Variants in KANK1 observed in about 807,000 individuals in gnomAD.
KANK1 encodes KN motif and ankyrin repeat domains 1, also known as KN motif and ankyrin repeat domain-containing protein 1.
In KANK1, 109 loss-of-function variants were observed where a neutral mutation model predicts 106.2. The ratio of observed to expected loss-of-function variants is 1.03; its 90% CI spans 0.88 to 1.20. The LOEUF is 1.20. KANK1 is among the 50% of genes most tolerant of loss of function. KANK1 has a pLI of 0.00. For missense variants in KANK1, 2,399 were observed against 1,710.7 expected, an observed-to-expected ratio of 1.40 and a Z score of -7.10; for synonymous variants, 873 against 652.2, an observed-to-expected ratio of 1.34 and a Z score of -5.16.
intron 1 of KANK1, among the ~76,000 whole-genome samples, chr9:508,121 C>CTTTTTTTTTT (rs71314711): frequency 5.1e-5 from 2 of 39,156 alleles, no homozygotes; most frequent in East Asian, 8.7e-4. Context: ...CCTGCTCAGC[C>CTTTTTTTTTT]TTTTTTTTTT....
At position 745,246 on chromosome 9, in the gene KANK1, A is replaced by C; in HGVS notation, c.*11A>C. 6.2e-7 allele frequency: 1 copy of C among 1,614,000 alleles called. No homozygotes were observed. Among genetic ancestry groups the C allele is most frequent in the Non-Finnish European group, 8.5e-7 (1 of 1,179,930 alleles). On this transcript the variant is annotated 3_prime_UTR_variant, in exon 12 of 12. Transcript: ENST00000382297. ...GGTTCATTTGATTGATTGTATGCAA[A>C]TAGCCCTTTATTTACATGCCACTAT...
rs548823267 is a variant in KANK1, at chr9:658,652, T to A, written c.-83-18238T>A. Among the ~76,000 whole-genome samples, 9 of 152,336 alleles carry A rather than the reference T, an allele frequency of 5.9e-5. No homozygotes were observed. In the Middle Eastern group the frequency reaches 0.017, roughly 288 times the overall value. ...TTAAGATTCATTTGGAATTAACTTT[T>A]GTATAAGACAGACGGTTAAGAAGAT... On this transcript the variant is annotated intron_variant, in intron 1 of 11. Coordinates refer to ENST00000382297, the MANE Select transcript of KANK1 (RefSeq NM_015158.5).
At chr9:561,959 A>G (rs1450211411) in intron 1 of KANK1, among the ~76,000 whole-genome samples, 1 of 152,232 alleles carries the variant, frequency 6.6e-6, no homozygotes, top group African/African-American at 2.4e-5. Flanking sequence ...TGTATGATAG[A>G]AATAGTAAAG....
chr9:722,796 C>T (rs1383222320), intron 3 of KANK1, among the ~76,000 whole-genome samples: 1 of 152,198 alleles, frequency 6.6e-6, no homozygotes, highest in Admixed American at 6.5e-5. Context: ...ATTACATGGA[C>T]ACTTATTAAA....
intron 1 of KANK1, among the ~76,000 whole-genome samples, chr9:650,616 T>C (rs1267173929): frequency 1.3e-5 from 2 of 152,052 alleles, no homozygotes; most frequent in Admixed American, 6.5e-5. Flanking sequence ...TGTTGTGAAA[T>C]ATGCAGATGA....
At chr9:703,293 G>A (rs1391575871) in intron 2 of KANK1, among the ~76,000 whole-genome samples, 2 of 150,716 alleles carry the variant, frequency 1.3e-5, no homozygotes, top group African/African-American at 2.4e-5. Context: ...CTCATGGCCT[G>A]CATTGTTGAT....
intron 1 of KANK1, among the ~76,000 whole-genome samples, chr9:623,932 A>T (rs963044349): frequency 7.2e-5 from 11 of 152,126 alleles, no homozygotes; most frequent in African/African-American, 2.4e-4. Context: ...TCACTTCCAT[A>T]TTTATTTCAG....
upstream of KANK1, among the ~76,000 whole-genome samples, chr9:500,030 A>G (rs1027401865): frequency 6.6e-6 from 1 of 152,228 alleles, no homozygotes; most frequent in African/African-American, 2.4e-5. Flanking sequence ...TCCTTCTGGT[A>G]GAGAGAGAAC....
At chr9:682,791 C>T (rs1817829012) in intron 2 of KANK1, among the ~76,000 whole-genome samples, 2 of 152,244 alleles carry the variant, frequency 1.3e-5, no homozygotes, top group South Asian at 4.1e-4. Flanking sequence ...TATTTGGCTC[C>T]AGCTTTTGTC....
intron 1 of KANK1, among the ~76,000 whole-genome samples, chr9:510,039 T>C (rs1397093456): frequency 6.6e-6 from 1 of 151,930 alleles, no homozygotes; most frequent in African/African-American, 2.4e-5. Flanking sequence ...CTCAAACTCC[T>C]GGCCTCAAAC....
intron 3 of KANK1, among the ~76,000 whole-genome samples, chr9:492,512 A>G (rs1157598189): frequency 6.6e-6 from 1 of 152,208 alleles, no homozygotes; most frequent in Non-Finnish European, 1.5e-5. Context: ...TAGAGCTGTT[A>G]AGGGTTGCCT....
chr9:530,068 A>G (rs144181351), intron 1 of KANK1, among the ~76,000 whole-genome samples: 11 of 152,218 alleles, frequency 7.2e-5, no homozygotes, highest in Non-Finnish European at 1.0e-4. Context: ...AGCTGTTTGT[A>G]TTTGTGTTTC....
chr9:742,435 A>AGGGGTCT (rs1210741367), intron 10 of KANK1, 30 bp downstream of exon 10: 1 of 1,580,480 alleles, frequency 6.3e-7, no homozygotes, highest in Non-Finnish European at 8.6e-7. Flanking sequence ...CCTCCTGGCC[A>AGGGGTCT]GGGGTCTGGG....
At chr9:519,081 G>A (rs918422516) in intron 1 of KANK1, among the ~76,000 whole-genome samples, 1 of 151,508 alleles carries the variant, frequency 6.6e-6, no homozygotes, top group African/African-American at 2.4e-5. Context: ...ATAGAAACGG[G>A]GTTTCTCCAT....
chr9:682,904 A>C (rs115007849), intron 2 of KANK1, among the ~76,000 whole-genome samples: 1,952 of 152,190 alleles, frequency 0.013, 45 homozygotes, highest in African/African-American at 0.045. Context: ...AGTGCGGTGC[A>C]CCCCACTCTC....
intron 1 of KANK1, among the ~76,000 whole-genome samples, chr9:656,303 GAGTTTA>G (rs1185292650): frequency 2.0e-5 from 3 of 152,216 alleles, no homozygotes; most frequent in African/African-American, 7.2e-5. Flanking sequence ...GAGGAGGAAA[GAGTTTA>G]AGTCCCGTCT....
At chr9:732,335 G>T (rs370885938) in intron 5 of KANK1, 43 bp from the exon 6 acceptor site, 7 of 1,579,692 alleles carry the variant, frequency 4.4e-6, no homozygotes, top group African/African-American at 1.3e-5. Flanking sequence ...CTGGGTCTTC[G>T]TGAGCACACC....
At chr9:630,376 C>T (rs10975486) in intron 1 of KANK1, among the ~76,000 whole-genome samples, 27,473 of 151,494 alleles carry the variant, frequency 0.18, 2,731 homozygotes, top group African/African-American at 0.24. Flanking sequence ...TGGTGAAACC[C>T]CATCTCTACT....
chr9:562,097 C>T (rs1204106068), intron 1 of KANK1, among the ~76,000 whole-genome samples: 1 of 128,268 alleles, frequency 7.8e-6, no homozygotes, highest in African/African-American at 2.8e-5. Context: ...CCAGGCCGGA[C>T]TGCGGACTGC....
Sources: allele counts gnomAD v4.1 joint callset (sites outside exome capture counted in the v4.1 genomes callset), GRCh38; gene constraint gnomAD v4.1.1; transcripts MANE v1.5; gene names NCBI Gene and HGNC (gene_info 2026-07-23, HGNC 2026-07-21).